ADGRL3: variants seen among roughly 807,000 people sequenced by gnomAD.
The protein encoded by ADGRL3 is calcium-independent alpha-latrotoxin receptor 3.
Under a neutral mutation model 153.5 loss-of-function variants are expected in ADGRL3, and 62 were observed. That is an observed-to-expected ratio of 0.40 (90% CI 0.33 to 0.50). The LOEUF is 0.50. ADGRL3 is among the 20% of genes least tolerant of loss of function. The pLI, the probability that ADGRL3 is intolerant of heterozygous loss-of-function variation, is 0.47. For missense variants in ADGRL3, 1,641 were observed against 1,859.4 expected (o/e 0.88, Z 2.16); for synonymous variants, 710 against 672.5 (o/e 1.06, Z -0.86).
At chr4:61,347,276 T>C (rs2151253288) in intron 1 of ADGRL3, among the ~76,000 whole-genome samples, 1 of 151,912 alleles carries the variant, frequency 6.6e-6, no homozygotes, top group Admixed American at 6.6e-5. Context: ...TATTTTTTTT[T>C]CCTGCTACTA....
chr4:61,929,695 A>T lies in ADGRL3; in HGVS notation c.2113-5145A>T, dbSNP rs555953326. Among the ~76,000 whole-genome samples the T allele has an allele frequency of 1.4e-4, 21 of 152,306 alleles. No individual in the cohort carries two copies. The East Asian group carries it at 2.3e-3, about 17-fold the overall frequency. On this transcript the variant is annotated intron_variant, in intron 13 of 26. Transcript: ENST00000683033. Reference sequence around the variant, plus strand: ...GTCTGTCCAATGGGAGGTTTAAGATAGTTGTGCAGGGAAACAAATATGAGA... The same window carrying T: ...GTCTGTCCAATGGGAGGTTTAAGATTGTTGTGCAGGGAAACAAATATGAGA...
chr4:61,733,268 T>C lies in ADGRL3; in HGVS notation c.1113T>C (p.Thr371=). ...TACGGATCGAAGGAACATGGGATAC[T>C]GCATATGATAAAAGGTCAGCTTCCA... is the stretch of plus-strand genomic sequence containing the variant. ...YTLRIEGTWD[T]AYDKRSASNA... The change falls in exon 8 of 27, where the codon ACT becomes ACC. Residue 371 remains threonine (T), a synonymous_variant. Transcript: ENST00000683033. 1 of 1,613,818 alleles carries C rather than the reference T, an allele frequency of 6.2e-7. No homozygotes were observed. Among genetic ancestry groups the C allele is most frequent in the Non-Finnish European group, 8.5e-7 (1 of 1,179,838 alleles).
intron 3 of ADGRL3, among the ~76,000 whole-genome samples, chr4:61,498,822 C>G (rs552300723): frequency 6.6e-6 from 1 of 152,226 alleles, no homozygotes; most frequent in Non-Finnish European, 1.5e-5. Flanking sequence ...CTGAATCTCT[C>G]TCAAACCTGG....
intron 1 of ADGRL3, among the ~76,000 whole-genome samples, chr4:61,232,129 A>T (rs575113787): frequency 6.2e-4 from 95 of 152,124 alleles, no homozygotes; most frequent in Middle Eastern, 3.2e-3. Context: ...AAATGTTTTG[A>T]TGCATATGAA....
chr4:61,848,671 A>T (rs2098166277), intron 9 of ADGRL3, among the ~76,000 whole-genome samples: 1 of 152,050 alleles, frequency 6.6e-6, no homozygotes. Flanking sequence ...TATCCAAGAG[A>T]CTATTGTCTA....
At chr4:61,413,263 ACCT>A (rs1466768748) in intron 2 of ADGRL3, among the ~76,000 whole-genome samples, 1 of 152,020 alleles carries the variant, frequency 6.6e-6, no homozygotes, top group Non-Finnish European at 1.5e-5. Context: ...ACCCTGTGTG[ACCT>A]CCACTGATAC....
intron 4 of ADGRL3, among the ~76,000 whole-genome samples, chr4:61,545,498 A>G (rs1339762455): frequency 6.6e-6 from 1 of 152,162 alleles, no homozygotes; most frequent in Non-Finnish European, 1.5e-5. Flanking sequence ...CCTCCGCCTC[A>G]GGGAGCCAGT....
intron 2 of ADGRL3, among the ~76,000 whole-genome samples, chr4:61,492,100 T>A (rs1373539912): frequency 6.6e-6 from 1 of 152,162 alleles, no homozygotes; most frequent in African/African-American, 2.4e-5. Flanking sequence ...AGGCTATAGG[T>A]CTATATACCA....
intron 4 of ADGRL3, among the ~76,000 whole-genome samples, chr4:61,574,198 A>AGAT (rs1395354855): frequency 6.6e-6 from 1 of 151,954 alleles, no homozygotes; most frequent in Non-Finnish European, 1.5e-5. Flanking sequence ...ATTACTAGAA[A>AGAT]GATAATTAAA....
chr4:61,568,729 A>G (rs978588628), intron 4 of ADGRL3, among the ~76,000 whole-genome samples: 2 of 152,050 alleles, frequency 1.3e-5, no homozygotes, highest in Non-Finnish European at 2.9e-5. Flanking sequence ...ATTTGATCCT[A>G]TTATATCCTT....
intron 1 of ADGRL3, among the ~76,000 whole-genome samples, chr4:61,205,819 A>G (rs1186026699): frequency 1.3e-5 from 2 of 152,242 alleles, no homozygotes; most frequent in African/African-American, 4.8e-5. Flanking sequence ...CATTGTGAGA[A>G]TGTAGCGTGA....
intron 1 of ADGRL3, among the ~76,000 whole-genome samples, chr4:61,230,265 CATT>C (rs1237131096): frequency 6.6e-6 from 1 of 152,114 alleles, no homozygotes; most frequent in Non-Finnish European, 1.5e-5. Flanking sequence ...ATTCTACTAC[CATT>C]ATTATTATTG....
At chr4:61,840,242 G>A (rs2098008681) in intron 9 of ADGRL3, among the ~76,000 whole-genome samples, 1 of 152,044 alleles carries the variant, frequency 6.6e-6, no homozygotes, top group Admixed American at 6.6e-5. Flanking sequence ...ACCATGTCCG[G>A]CTAATTTTTG....
At chr4:61,522,832 G>A (rs1019804296) in intron 4 of ADGRL3, among the ~76,000 whole-genome samples, 6 of 152,032 alleles carry the variant, frequency 3.9e-5, no homozygotes, top group African/African-American at 9.7e-5. Flanking sequence ...TGGAGGTTGC[G>A]TCAATTTACC....
At chr4:61,795,853 TG>T (rs1420203058) in intron 8 of ADGRL3, among the ~76,000 whole-genome samples, 1 of 152,162 alleles carries the variant, frequency 6.6e-6, no homozygotes, top group African/African-American at 2.4e-5. Flanking sequence ...TACTTCTTTT[TG>T]TTTCTGGAGA....
intron 6 of ADGRL3, among the ~76,000 whole-genome samples, chr4:61,686,570 T>G (rs2095447792): frequency 1.3e-5 from 2 of 152,250 alleles, no homozygotes; most frequent in African/African-American, 4.8e-5. Context: ...TATACACCTA[T>G]ACGTTGTGTA....
At position 61,563,940 on chromosome 4, in the gene ADGRL3, C is replaced by T. The variant is rs542753577; in HGVS notation, c.260-23287C>T. Among the ~76,000 whole-genome samples the T allele has an allele frequency of 9.2e-5, 14 of 152,056 alleles. No individual in the cohort carries two copies. The East Asian group carries it at 1.4e-3, about 15-fold the overall frequency. On this transcript the variant is annotated intron_variant, in intron 4 of 26. Coordinates refer to ENST00000683033, the MANE Select transcript of ADGRL3 (RefSeq NM_001387552.1). ...GGAGAATCGATTGAACTGGGGGAGG[C>T]GCAGATTGCAGTGAGCCGAGATGGC...
At position 61,202,349 on chromosome 4, in the gene ADGRL3, C is replaced by G. The variant is rs148439049; in HGVS notation, c.-240+584C>G. 0.01 allele frequency: 1,538 copies of G among 152,864 alleles called. 20 individuals are homozygous for G. Among genetic ancestry groups the G allele is most frequent in the African/African-American group, 0.035 (1,469 of 41,608 alleles). The allele number at this position is 152,864 out of a possible 1,614,324, so 9.5% of individuals were successfully genotyped here. A position where few individuals can be genotyped will look rare whatever the true frequency, so the allele number is the denominator to read the frequency against. On this transcript the variant is annotated intron_variant, in intron 1 of 26. Coordinates refer to ENST00000683033, the MANE Select transcript of ADGRL3 (RefSeq NM_001387552.1). The surrounding 1 kb of genome is among the most constrained non-coding windows in gnomAD (Gnocchi z 5.0). ...TTTTGCCCAGGTCGCGCCCCTGAGT[C>G]TTGGAGTCGCGCTGCCTCCCCGCGC...
intron 2 of ADGRL3, among the ~76,000 whole-genome samples, chr4:61,449,189 G>A (rs2097643983): frequency 6.6e-6 from 1 of 151,960 alleles, no homozygotes; most frequent in Non-Finnish European, 1.5e-5. Context: ...AGGCTGGAGT[G>A]GAATGGGGTG....
Sources: allele counts gnomAD v4.1 joint callset (sites outside exome capture counted in the v4.1 genomes callset), GRCh38; gene constraint gnomAD v4.1.1; non-coding constraint Gnocchi (gnomAD v3.1); transcripts MANE v1.5; gene names NCBI Gene and HGNC (gene_info 2026-07-23, HGNC 2026-07-21).